Variants in CATIP observed in about 807,000 individuals in gnomAD.
The protein encoded by CATIP is ciliogenesis-associated TTC17-interacting protein.
Under a neutral mutation model 42.5 loss-of-function variants are expected in CATIP, and 40 were observed. The observed-to-expected ratio is 0.94, with a 90% CI of 0.73 to 1.22. The LOEUF (loss-of-function observed/expected upper bound fraction) is 1.22. Among genes scored for constraint, CATIP ranks in the 50% most tolerant of loss-of-function variants. The probability of loss-of-function intolerance (pLI) is 0.00; values close to 1 mark genes in which losing one functional copy is unlikely to be tolerated. For missense variants in CATIP, 489 were observed against 496.0 expected, an observed-to-expected ratio of 0.99 and a Z score of 0.13; for synonymous variants, 222 against 200.2, an observed-to-expected ratio of 1.11 and a Z score of -0.92.
At chr2:218,366,557 T>C (rs1322667581) in intron 7 of CATIP, 1 of 184,002 alleles carries the variant, frequency 5.4e-6, no homozygotes, top group Non-Finnish European at 1.2e-5. Flanking sequence ...AGGAACTTAA[T>C]AAACAAGAGA....
intron 4 of CATIP, 98 bp downstream of exon 4, chr2:218,358,190 A>G (rs1695105134): frequency 1.1e-6 from 1 of 900,278 alleles, no homozygotes; most frequent in African/African-American, 1.7e-5. Flanking sequence ...AACCTATTAC[A>G]TACACAGTGA....
chr2:218,363,046 G>A, intron 6 of CATIP, 144 bp downstream of exon 6: 1 of 744,890 alleles, frequency 1.3e-6, no homozygotes, highest in Non-Finnish European at 2.1e-6. Context: ...GGCTTTCAAG[G>A]GCAGGAAAGC....
In CATIP at chr2:218,357,719, G is replaced by A. The variant is rs200499642; in HGVS notation, c.304G>A (p.Gly102Arg). Residue 102 changes from glycine to arginine, a missense_variant, in exon 3 of 10, where the codon GGA (glycine) becomes AGA (arginine). Coordinates refer to ENST00000289388, the MANE Select transcript of CATIP (RefSeq NM_198559.2). ...SRGFLDKMLC[G>R]NSLLGYLSEK... ...AGGCTTCTTGGACAAAATGCTCTGC[G>A]GAAATTCCCTCCTGGGTAGCGTTCC... 97 of 1,613,350 alleles carry A rather than the reference G, an allele frequency of 6.0e-5. 3 individuals carry two copies. In the South Asian group the frequency reaches 7.2e-4, roughly 12 times the overall value.
At chr2:218,365,832 T>G (rs1190860947) in intron 7 of CATIP, 3 of 152,138 alleles carry the variant, frequency 2.0e-5, no homozygotes, top group African/African-American at 7.2e-5. Context: ...TCTGTCTCTT[T>G]CTTGACAGAG....
intron 8 of CATIP, 34 bp downstream of exon 8, chr2:218,367,134 G>C: frequency 1.3e-6 from 2 of 1,531,626 alleles, no homozygotes; most frequent in South Asian, 1.1e-5. Flanking sequence ...CAGGCAGGGA[G>C]AGTTAAGGGG....
At chr2:218,361,619 A>T (rs149375852) in intron 5 of CATIP, among the ~76,000 whole-genome samples, 1 of 152,306 alleles carries the variant, frequency 6.6e-6, no homozygotes, top group East Asian at 1.9e-4. Flanking sequence ...GAGCAGAGGG[A>T]TGACTTTGAG....
At chr2:218,357,250 G>A in intron 2 of CATIP, 63 bp downstream of exon 2, 1 of 829,306 alleles carries the variant, frequency 1.2e-6, no homozygotes, top group South Asian at 1.7e-5. Context: ...GAGGAGGGAA[G>A]AAAGTCCAGT....
rs749861660 is a variant in CATIP, at chr2:218,362,887, C to A, written c.615C>A (p.Leu205=). 2.5e-6 allele frequency: 4 copies of A among 1,613,492 alleles called. No individual in the cohort carries two copies. The highest frequency in any genetic ancestry group is 3.3e-5 in the Admixed American group (2 of 59,980). Residue 205 remains leucine (L), a synonymous_variant, in exon 6 of 10, where the codon CTC becomes CTA. Coordinates refer to ENST00000289388, the MANE Select transcript of CATIP (RefSeq NM_198559.2). ...RFLTLDTEGK[L]CYLTYQNLGF... Reference sequence around the variant, plus strand: ...TGACCTTGGACACCGAGGGCAAACTCTGCTATTTGACCTATGTAAGGGGTC... The same window carrying A: ...TGACCTTGGACACCGAGGGCAAACTATGCTATTTGACCTATGTAAGGGGTC...
At chr2:218,367,364 A>T (rs1695486820) in intron 8 of CATIP, 66 bp from the exon 9 acceptor site, 1 of 1,433,946 alleles carries the variant, frequency 7.0e-7, no homozygotes, top group East Asian at 2.3e-5. Flanking sequence ...TGTTCTCGGG[A>T]TCTCGCTGTG....
intron 3 of CATIP, 79 bp from the exon 4 acceptor site, chr2:218,357,958 G>A (rs766124880): frequency 9.8e-5 from 135 of 1,377,396 alleles, no homozygotes; most frequent in Non-Finnish European, 1.4e-4. Flanking sequence ...TAGTCCTCCA[G>A]CTGCGCCACC....
intron 2 of CATIP, 145 bp from the exon 3 acceptor site, chr2:218,357,389 C>A: frequency 3.9e-6 from 3 of 760,026 alleles, no homozygotes; most frequent in Non-Finnish European, 6.4e-6. Context: ...GGGCAGGAGT[C>A]TTCACCTGTC....
At chr2:218,359,637 G>A (rs1162614818) in intron 4 of CATIP, among the ~76,000 whole-genome samples, 3 of 151,266 alleles carry the variant, frequency 2.0e-5, no homozygotes, top group Non-Finnish European at 4.4e-5. Context: ...TTGGGTATCA[G>A]GAGAACTTAT....
At chr2:218,358,004 T>G in intron 3 of CATIP, 33 bp from the exon 4 acceptor site, 2 of 1,605,918 alleles carry the variant, frequency 1.2e-6, no homozygotes, top group South Asian at 2.2e-5. Flanking sequence ...CCACATCTCC[T>G]GTGACGTCAA....
intron 9 of CATIP, 27 bp from the exon 10 acceptor site, chr2:218,367,695 T>C: frequency 2.5e-6 from 4 of 1,581,342 alleles, no homozygotes; most frequent in Non-Finnish European, 2.6e-6. Context: ...CCCGTCCGGC[T>C]GAGGCTCGGG....
At chr2:218,366,075 A>T (rs1559106802) in intron 7 of CATIP, 1 of 151,998 alleles carries the variant, frequency 6.6e-6, no homozygotes, top group African/African-American at 2.4e-5. Flanking sequence ...TTGGCCTCCT[A>T]AAGTGCTGGG....
chr2:218,358,147 G>C (rs997865144), intron 4 of CATIP, 55 bp downstream of exon 4: 9 of 1,499,050 alleles, frequency 6.0e-6, no homozygotes, highest in Non-Finnish European at 6.4e-6. Flanking sequence ...GACAGATTTT[G>C]ACTTAAAAAA....
chr2:218,358,185 A>G (rs1401575898), intron 4 of CATIP, 93 bp downstream of exon 4: 3 of 959,188 alleles, frequency 3.1e-6, no homozygotes, highest in Non-Finnish European at 4.9e-6. Context: ...CAAAAAACCT[A>G]TTACATACAC....
intron 2 of CATIP, 52 bp from the exon 3 acceptor site, chr2:218,357,482 T>C (rs1695070145): frequency 4.7e-6 from 7 of 1,501,674 alleles, no homozygotes; most frequent in South Asian, 3.4e-5. Context: ...GAGGATTGGA[T>C]TGGGGCCCAG....
chr2:218,363,772 G>A (rs1258135488), intron 6 of CATIP, among the ~76,000 whole-genome samples: 1 of 152,124 alleles, frequency 6.6e-6, no homozygotes, highest in Admixed American at 6.6e-5. Flanking sequence ...TCGCACAACT[G>A]CACTCCAGCC....
Sources: gnomAD v4.1 joint callset for allele counts (sites outside exome capture counted in the v4.1 genomes callset) on GRCh38, gnomAD v4.1.1 for gene constraint, MANE v1.5 for transcripts, NCBI Gene and HGNC (gene_info 2026-07-23, HGNC 2026-07-21) for gene names.